Variants in FAM184B observed in about 807,000 individuals in gnomAD.
FAM184B encodes the protein protein FAM184B.
Under a neutral mutation model 135.9 loss-of-function variants are expected in FAM184B, and 111 were observed. That is an observed-to-expected ratio of 0.82 (90% confidence interval 0.70 to 0.96). The LOEUF (loss-of-function observed/expected upper bound fraction) is 0.96. Ranked by LOEUF, FAM184B falls within the 40% of genes least tolerant of loss-of-function variation. FAM184B has a pLI of 0.00. For synonymous variants in FAM184B, 552 were observed against 524.8 expected (o/e 1.05, Z -0.71); for missense variants, 1,375 against 1,323.9 (o/e 1.04, Z -0.60).
intron 15 of FAM184B, 135 bp from the exon 16 acceptor site, chr4:17,635,248 C>T: frequency 1.6e-6 from 1 of 633,174 alleles, no homozygotes; most frequent in South Asian, 2.2e-5. Flanking sequence ...GGGAATAAAG[C>T]TGCCAGGCAC....
intron 1 of FAM184B, among the ~76,000 whole-genome samples, chr4:17,716,795 C>T (rs1290447187): frequency 2.6e-5 from 4 of 152,044 alleles, no homozygotes; most frequent in Non-Finnish European, 5.9e-5. Flanking sequence ...ATTCTCAATA[C>T]CAGAGCTTAC....
At chr4:17,780,517 A>G (rs1301876201) in intron 1 of FAM184B, among the ~76,000 whole-genome samples, 1 of 152,094 alleles carries the variant, frequency 6.6e-6, no homozygotes, top group Non-Finnish European at 1.5e-5. Flanking sequence ...TGAAAAAGAC[A>G]TAGTCTGGGA....
intron 7 of FAM184B, among the ~76,000 whole-genome samples, chr4:17,675,932 C>G (rs1255609858): frequency 6.6e-6 from 1 of 152,178 alleles, no homozygotes; most frequent in Non-Finnish European, 1.5e-5. Context: ...ATCTAGACAA[C>G]TAAAACTTTC....
chr4:17,766,178 A>C (rs6813744), intron 1 of FAM184B, among the ~76,000 whole-genome samples: 7,946 of 152,290 alleles, frequency 0.052, 657 homozygotes, highest in African/African-American at 0.18. Context: ...TTATCTGGCC[A>C]CACCCACATC....
At chr4:17,643,885 G>A (rs1035479059) in intron 12 of FAM184B, among the ~76,000 whole-genome samples, 1 of 152,170 alleles carries the variant, frequency 6.6e-6, no homozygotes, top group Non-Finnish European at 1.5e-5. Context: ...AAAGACTCCT[G>A]ATCCAGTCTA....
chr4:17,758,444 C>T (rs1239080435), intron 1 of FAM184B, among the ~76,000 whole-genome samples: 2 of 152,214 alleles, frequency 1.3e-5, no homozygotes, highest in Non-Finnish European at 2.9e-5. Context: ...AACTGACTGC[C>T]TACCTGTAGC....
At position 17,774,936 on chromosome 4, in the gene FAM184B, T is replaced by C. The variant is rs116442567; in HGVS notation, c.141+6223A>G. Among the ~76,000 whole-genome samples, 447 of 152,134 alleles carry C rather than the reference T, an allele frequency of 2.9e-3. 3 individuals are homozygous for C. The highest frequency in any genetic ancestry group is 0.01 in the African/African-American group (428 of 41,534). Reference sequence around the variant, plus strand: ...TTTGAGAGTAAGGCATCATACTTCCTTAAACGTAAGATCAGCTTCGATGTG... The same window carrying C: ...TTTGAGAGTAAGGCATCATACTTCCCTAAACGTAAGATCAGCTTCGATGTG... On this transcript the variant is annotated intron_variant, in intron 1 of 17. Transcript: ENST00000265018.
rs117505975 is a variant in FAM184B, at chr4:17,650,497, C to G, written c.2191+2333G>C. ...TCCAGGGATCTCTCCTGATTCTTTT[C>G]TTTGGGGAAGAATGGGGCTGCTGTG... On this transcript the variant is annotated intron_variant, in intron 11 of 17. Coordinates refer to ENST00000265018, the MANE Select transcript of FAM184B (RefSeq NM_015688.2). 4.5e-4 allele frequency among the ~76,000 whole-genome samples: 69 copies of G among 152,198 alleles called. 1 individual carries two copies. In the East Asian group the frequency reaches 0.013, roughly 29 times the overall value.
rs137867700 is a variant in FAM184B, at chr4:17,636,379, A to T, written c.2784+149T>A. 2,922 of 636,452 alleles carry T rather than the reference A, an allele frequency of 4.6e-3. 78 individuals carry two copies. In the African/African-American group the frequency reaches 0.048, roughly 10 times the overall value. The allele number at this position is 636,452 out of a possible 1,614,324, so 39.4% of individuals were successfully genotyped here. A position where few individuals can be genotyped will look rare whatever the true frequency, so the allele number is the denominator to read the frequency against. ...CCGCCTCCCAAAGTGCTGGGATTAC[A>T]GGCTTGAGCCACCGCGCACGGCAAG... On this transcript the variant is annotated intron_variant, in intron 15 of 17. Transcript: ENST00000265018.
chr4:17,707,906 T>C (rs1717154380), intron 2 of FAM184B, 122 bp from the exon 3 acceptor site: 4 of 1,046,630 alleles, frequency 3.8e-6, no homozygotes, highest in Non-Finnish European at 4.1e-6. Context: ...CCTGAGTCAG[T>C]GGAATTCAGT....
chr4:17,749,689 G>A (rs550085995), intron 1 of FAM184B, among the ~76,000 whole-genome samples: 1 of 152,030 alleles, frequency 6.6e-6, no homozygotes, highest in Non-Finnish European at 1.5e-5. Flanking sequence ...AAACATGGCT[G>A]TATCATCTTA....
chr4:17,639,415 C>T lies in FAM184B; in HGVS notation c.2520-19G>A, dbSNP rs1715243483. The T allele has an allele frequency of 5.2e-6, 8 of 1,550,804 alleles. No homozygotes were observed. Among genetic ancestry groups the T allele is most frequent in the Non-Finnish European group, 7.0e-6 (8 of 1,146,792 alleles). On this transcript the variant is annotated intron_variant, in intron 13 of 17. Coordinates refer to ENST00000265018, the MANE Select transcript of FAM184B (RefSeq NM_015688.2). ...CAGGAACCTGTGGTGGATGAAAGCA[C>T]AGCCAGGCTTGCCCAGCTCCAGGGA...
chr4:17,734,045 A>G (rs1367492903), intron 1 of FAM184B, among the ~76,000 whole-genome samples: 1 of 152,208 alleles, frequency 6.6e-6, no homozygotes, highest in Non-Finnish European at 1.5e-5. Context: ...CAACCATCTG[A>G]TCTTTGACAA....
chr4:17,707,810 T>C, intron 2 of FAM184B, 26 bp from the exon 3 acceptor site: 1 of 1,551,584 alleles, frequency 6.4e-7, no homozygotes, highest in Non-Finnish European at 8.7e-7. Context: ...GGGTCCCATT[T>C]CTCTGGTTAT....
In FAM184B at chr4:17,636,607, G is replaced by T; in HGVS notation, c.2705C>A (p.Ser902Tyr). 6.4e-7 allele frequency: 1 copy of T among 1,550,876 alleles called. No homozygotes were observed. Among genetic ancestry groups the T allele is most frequent in the South Asian group, 1.2e-5 (1 of 84,062 alleles). Residue 902 changes from serine to tyrosine, a missense_variant, in exon 15 of 18, where the codon TCC (serine) becomes TAC (tyrosine). Physicochemically the swap from Ser to Tyr is moderately radical, Grantham distance 144. Transcript: ENST00000265018. ...DSGEKPGKGA[S>Y]RPEDLQLIGR... is the part of the protein sequence containing the mutation. ...AATGAGCTGAAGGTCCTCGGGCCTG[G>T]ACGCTCCCTTCCCTGGCTTCTCTCC... is the stretch of plus-strand genomic sequence containing the variant.
At chr4:17,728,418 C>T (rs1717693158) in intron 1 of FAM184B, among the ~76,000 whole-genome samples, 1 of 152,098 alleles carries the variant, frequency 6.6e-6, no homozygotes, top group Non-Finnish European at 1.5e-5. Context: ...AATTAACATG[C>T]CTCAGAACAT....
In FAM184B at chr4:17,723,533, T is replaced by C. The variant is rs143146048; in HGVS notation, c.142-13889A>G. 1.1e-3 allele frequency among the ~76,000 whole-genome samples: 168 copies of C among 152,350 alleles called. 1 individual carries two copies. Among genetic ancestry groups the C allele is most frequent in the South Asian group, 5.2e-3 (25 of 4,828 alleles). ...GGGTTATGGGTCAGATGCTGCTCAC[T>C]TAACCTGCACATCAGAAATGGAAGG... On this transcript the variant is annotated intron_variant, in intron 1 of 17. Transcript: ENST00000265018.
Position 17,642,192 on chromosome 4 carries a change from C to A in FAM184B, c.2383G>T (p.Gly795Cys). 6.5e-7 allele frequency: 1 copy of A among 1,527,018 alleles called. No homozygotes were observed. The allele number at this position is 1,527,018 out of a possible 1,614,324, so 94.6% of individuals were successfully genotyped here. The stretch of plus-strand genomic sequence containing the variant: ...TCGCCGGAACCCTGCCCAGCAGCGC[C>A]CGGTGGGGAGCCGGCCTGGCCCGGG... Reference protein sequence around the residue: ...GGPGQAGSPPGAAGQGSGEGC... With the variant: ...GGPGQAGSPPCAAGQGSGEGC... The change falls in exon 13 of 18, where the codon GGC (glycine) becomes TGC (cysteine). Residue 795 changes from glycine (G) to cysteine (C), a missense_variant. Physicochemically the swap from Gly to Cys is radical, Grantham distance 159. Coordinates refer to ENST00000265018, the MANE Select transcript of FAM184B (RefSeq NM_015688.2).
At chr4:17,756,217 A>G (rs114153550) in intron 1 of FAM184B, among the ~76,000 whole-genome samples, 2,425 of 152,296 alleles carry the variant, frequency 0.016, 64 homozygotes, top group African/African-American at 0.056. Flanking sequence ...GAAACACACA[A>G]GATGATCCTC....
Sources: allele counts gnomAD v4.1 joint callset (sites outside exome capture counted in the v4.1 genomes callset), GRCh38; gene constraint gnomAD v4.1.1; transcripts MANE v1.5; gene names NCBI Gene and HGNC (gene_info 2026-07-23, HGNC 2026-07-21).